PHLPP1: variants seen among roughly 807,000 people sequenced by gnomAD.
PHLPP1 encodes PH domain and leucine rich repeat protein phosphatase 1, also known as PH domain leucine-rich repeat-containing protein phosphatase 1.
A neutral mutation model predicts 117.2 loss-of-function variants in PHLPP1; 42 were observed. That is an observed-to-expected ratio of 0.36 (90% CI 0.28 to 0.46). The LOEUF (loss-of-function observed/expected upper bound fraction) is 0.46. PHLPP1 is among the 20% of genes least tolerant of loss of function. PHLPP1 has a pLI of 1.00. For synonymous variants in PHLPP1, 1,042 were observed against 970.7 expected, an observed-to-expected ratio of 1.07 and a Z score of -1.37; for missense variants, 2,084 against 2,241.9, an observed-to-expected ratio of 0.93 and a Z score of 1.42.
chr18:62,963,361 T>C lies in PHLPP1; in HGVS notation c.3456-7T>C. The C allele has an allele frequency of 6.3e-7, 1 of 1,599,680 alleles. No individual in the cohort carries two copies. The highest frequency in any genetic ancestry group is 8.6e-7 in the Non-Finnish European group (1 of 1,168,854). ...GATTCCTGTTCCCTCCCTGTTTCTC[T>C]TGTTAGTAATATCCGCTGTTTCAAG... On this transcript the variant is annotated splice_region_variant and splice_polypyrimidine_tract_variant and intron_variant, in intron 13 of 16. Transcript: ENST00000262719.
intron 1 of PHLPP1, among the ~76,000 whole-genome samples, chr18:62,818,725 T>C (rs983137591): frequency 3.1e-4 from 47 of 152,184 alleles, no homozygotes; most frequent in African/African-American, 1.1e-3. Flanking sequence ...AAAAGACTTA[T>C]TTTAAAAATT....
chr18:62,799,277 G>C (rs1051666734), intron 1 of PHLPP1, among the ~76,000 whole-genome samples: 1 of 152,164 alleles, frequency 6.6e-6, no homozygotes, highest in Admixed American at 6.5e-5. Context: ...ATATCAGTGA[G>C]CTTTCACTTA....
intron 2 of PHLPP1, chr18:62,838,021 T>C (rs1021536274): frequency 3.3e-5 from 5 of 151,962 alleles, no homozygotes; most frequent in African/African-American, 1.2e-4. Context: ...TACCTTCTTT[T>C]CCAATATGAC....
intron 8 of PHLPP1, among the ~76,000 whole-genome samples, chr18:62,913,019 T>G (rs1035286113): frequency 6.6e-6 from 1 of 152,224 alleles, no homozygotes; most frequent in African/African-American, 2.4e-5. Flanking sequence ...TGAGACTGAA[T>G]TGGAAACTCT....
chr18:62,914,259 A>G (rs746523730), intron 8 of PHLPP1, among the ~76,000 whole-genome samples: 6 of 152,192 alleles, frequency 3.9e-5, no homozygotes, highest in Non-Finnish European at 4.4e-5. Flanking sequence ...CAAATTTGAA[A>G]ATAAAACTAT....
At chr18:62,859,280 G>A (rs1915573004) in intron 3 of PHLPP1, among the ~76,000 whole-genome samples, 2 of 152,174 alleles carry the variant, frequency 1.3e-5, no homozygotes, top group Non-Finnish European at 2.9e-5. Flanking sequence ...GCATAAATTG[G>A]CACTGTGTTA....
intron 1 of PHLPP1, among the ~76,000 whole-genome samples, chr18:62,738,328 C>G (rs1291085401): frequency 6.6e-6 from 1 of 152,046 alleles, no homozygotes; most frequent in Non-Finnish European, 1.5e-5. Context: ...TGCACTGCAG[C>G]CTGGGCGACA....
At chr18:62,960,151 A>G (rs1367202432) in intron 13 of PHLPP1, among the ~76,000 whole-genome samples, 2 of 152,250 alleles carry the variant, frequency 1.3e-5, no homozygotes, top group Admixed American at 1.3e-4. Context: ...AAATAATTGC[A>G]CCAAAATTTG....
chr18:62,925,017 T>C (rs952994845), intron 10 of PHLPP1, among the ~76,000 whole-genome samples: 5 of 152,022 alleles, frequency 3.3e-5, no homozygotes, highest in African/African-American at 1.2e-4. Flanking sequence ...ATCTAGATCA[T>C]GGGCCTAGAT....
In PHLPP1 at chr18:62,902,954, T is replaced by C. The variant is rs1325651954; in HGVS notation, c.2445-10T>C. ...AGTTAATTATAGTCTCTATGTCCTT[T>C]GCCCTCAAGGTTGAACGTAATTAGG... On this transcript the variant is annotated splice_polypyrimidine_tract_variant and intron_variant, in intron 6 of 16. Coordinates refer to ENST00000262719, the MANE Select transcript of PHLPP1 (RefSeq NM_194449.4). 1.3e-6 allele frequency: 2 copies of C among 1,584,374 alleles called. No individual in the cohort carries two copies. The highest frequency in any genetic ancestry group is 8.6e-7 in the Non-Finnish European group (1 of 1,157,820).
At chr18:62,970,594 G>C (rs1217410395) in intron 14 of PHLPP1, among the ~76,000 whole-genome samples, 1 of 152,094 alleles carries the variant, frequency 6.6e-6, no homozygotes, top group Non-Finnish European at 1.5e-5. Flanking sequence ...GTGAAATGCT[G>C]TCTCTACAGA....
chr18:62,747,126 G>T (rs1338028667), intron 1 of PHLPP1, among the ~76,000 whole-genome samples: 1 of 151,896 alleles, frequency 6.6e-6, no homozygotes, highest in Non-Finnish European at 1.5e-5. Flanking sequence ...TCAGCATTAG[G>T]TTTTCTTGAA....
intron 1 of PHLPP1, among the ~76,000 whole-genome samples, chr18:62,735,387 G>A (rs1362764056): frequency 6.6e-6 from 1 of 152,188 alleles, no homozygotes; most frequent in South Asian, 2.1e-4. Flanking sequence ...CCTGGCCGAG[G>A]ATGTCATTCT....
At chr18:62,836,819 T>C (rs1914917609) in intron 2 of PHLPP1, among the ~76,000 whole-genome samples, 1 of 152,072 alleles carries the variant, frequency 6.6e-6, no homozygotes, top group Non-Finnish European at 1.5e-5. Flanking sequence ...CCCAGCACTT[T>C]GGGAGGCCAA....
chr18:62,975,314 A>G (rs1436791909), intron 15 of PHLPP1, 83 bp from the exon 16 acceptor site: 3 of 871,088 alleles, frequency 3.4e-6, no homozygotes, highest in Non-Finnish European at 5.8e-6. Flanking sequence ...GGCCCTGTCC[A>G]GTGGTGCGGT....
At chr18:62,875,086 C>A (rs181765462) in intron 4 of PHLPP1, among the ~76,000 whole-genome samples, 335 of 152,272 alleles carry the variant, frequency 2.2e-3, no homozygotes, top group African/African-American at 7.8e-3. Context: ...TCCCGAGTAG[C>A]TGGGACTATA....
At chr18:62,847,659 G>A (rs943879312) in intron 3 of PHLPP1, among the ~76,000 whole-genome samples, 1 of 152,076 alleles carries the variant, frequency 6.6e-6, no homozygotes, top group African/African-American at 2.4e-5. Flanking sequence ...AAATAATTGT[G>A]CTACCAGTTA....
chr18:62,719,459 C>T (rs559332987), intron 1 of PHLPP1, among the ~76,000 whole-genome samples: 2 of 152,258 alleles, frequency 1.3e-5, no homozygotes, highest in East Asian at 3.9e-4. Context: ...TTTATGGAAA[C>T]GTTGTCAGGA....
At chr18:62,783,475 G>T (rs772085111) in intron 1 of PHLPP1, among the ~76,000 whole-genome samples, 1 of 151,824 alleles carries the variant, frequency 6.6e-6, no homozygotes, top group African/African-American at 2.4e-5. Context: ...TGATCTGCCC[G>T]CCTTGGCCTC....
Sources: allele counts gnomAD v4.1 joint callset (sites outside exome capture counted in the v4.1 genomes callset), GRCh38; gene constraint gnomAD v4.1.1; transcripts MANE v1.5; gene names NCBI Gene and HGNC (gene_info 2026-07-23, HGNC 2026-07-21).